KIF26A: variants seen among roughly 807,000 people sequenced by gnomAD.
The protein encoded by KIF26A is kinesin family member 26A.
KIF26A carries 74 observed loss-of-function variants against 126.0 expected under a neutral mutation model. The observed-to-expected ratio is 0.59, with a 90% CI of 0.49 to 0.71. KIF26A has a LOEUF of 0.71. Among genes scored for constraint, KIF26A ranks in the 30% least tolerant of loss-of-function variants. The probability of loss-of-function intolerance (pLI) is 0.00; values close to 1 mark genes in which losing one functional copy is unlikely to be tolerated. For missense variants in KIF26A, 2,984 were observed against 2,763.3 expected (o/e 1.08, Z -1.79); for synonymous variants, 1,445 against 1,232.7 (o/e 1.17, Z -3.61).
At position 104,179,917 on chromosome 14, in the gene KIF26A, CAGAG is replaced by C. The variant is rs2038083597; in HGVS notation, c.*130_*133del. 1.1e-5 allele frequency: 11 copies of C among 1,004,870 alleles called. No individual in the cohort carries two copies. Among genetic ancestry groups the C allele is most frequent in the East Asian group, 2.8e-5 (1 of 35,606 alleles). The allele number at this position is 1,004,870 out of a possible 1,614,324, so 62.2% of individuals were successfully genotyped here. A position where few individuals can be genotyped will look rare whatever the true frequency, so the allele number is the denominator to read the frequency against. On this transcript the variant is annotated 3_prime_UTR_variant, in exon 15 of 15. Transcript: ENST00000423312. ...GGGTTTCTGTGCAGGACGGGAGTCT[CAGAG>C]AGGAGACGGAGTGTGGGGGAGGGAG...
At chr14:104,155,403 G>T (rs1195652435) in intron 3 of KIF26A, among the ~76,000 whole-genome samples, 5 of 152,144 alleles carry the variant, frequency 3.3e-5, no homozygotes, top group Admixed American at 2.0e-4. Context: ...GAAGCTCCCC[G>T]TGGGGTGGGT....
chr14:104,179,029 C>G (rs964564986), intron 13 of KIF26A, among the ~76,000 whole-genome samples: 5 of 152,148 alleles, frequency 3.3e-5, no homozygotes, highest in African/African-American at 1.2e-4. Context: ...TCTCCCCTGT[C>G]GTGGGGAGGG....
chr14:104,149,072 T>A (rs142204249), intron 2 of KIF26A, among the ~76,000 whole-genome samples: 1 of 152,260 alleles, frequency 6.6e-6, no homozygotes, highest in East Asian at 1.9e-4. Context: ...GCCAGCCTGG[T>A]GCAGCCTGGC....
rs1352534721 is a variant in KIF26A, at chr14:104,152,836, G to A, written c.735+375G>A. Among the ~76,000 whole-genome samples, 3 of 152,288 alleles carry A rather than the reference G, an allele frequency of 2.0e-5. No homozygotes were observed. Among genetic ancestry groups the A allele is most frequent in the South Asian group, 2.1e-4 (1 of 4,822 alleles). ...AGTAGGAGGGCCCTTGTGGCAGAGC[G>A]AGGGCCTGTGTGGAGGCCTGGGGGT... On this transcript the variant is annotated intron_variant, in intron 3 of 14. Coordinates refer to ENST00000423312, the MANE Select transcript of KIF26A (RefSeq NM_015656.2). This position sits in a 1 kb window ranked among gnomAD's most constrained non-coding sequence, Gnocchi z 5.9.
At chr14:104,174,023 G>A in intron 10 of KIF26A, 125 bp from the exon 11 acceptor site, 1 of 1,402,688 alleles carries the variant, frequency 7.1e-7, no homozygotes, top group Non-Finnish European at 9.5e-7. Context: ...GGCTGCCTGG[G>A]GCCCCACGCT....
rs765172406 is a variant in KIF26A, at chr14:104,177,782, G to A, written c.4994G>A (p.Arg1665His). Residue 1665 changes from arginine to histidine, a missense_variant, in exon 12 of 15, where the codon CGC (arginine) becomes CAC (histidine). Coordinates refer to ENST00000423312, the MANE Select transcript of KIF26A (RefSeq NM_015656.2). ...AGCAGTGGCTATGAGAGCCTGCGGCGCGACAGCGAGGCCACCGGCAGCGCC... is the reference window on the plus strand; with the variant it reads ...AGCAGTGGCTATGAGAGCCTGCGGCACGACAGCGAGGCCACCGGCAGCGCC... Reference protein sequence around the residue: ...GGSSGYESLRRDSEATGSASS... With the variant: ...GGSSGYESLRHDSEATGSASS... 1.0e-5 allele frequency: 16 copies of A among 1,551,380 alleles called. No homozygotes were observed. The highest frequency in any genetic ancestry group is 3.8e-5 in the Admixed American group (2 of 53,254).
chr14:104,147,410 C>T (rs2037689991), intron 2 of KIF26A, among the ~76,000 whole-genome samples: 2 of 152,210 alleles, frequency 1.3e-5, no homozygotes, highest in South Asian at 4.1e-4. Context: ...TCCCCGCTCC[C>T]TCCCCTCCCA....
Position 104,177,540 on chromosome 14 carries a change from C to T in KIF26A, c.4752C>T (p.Gly1584=). The change falls in exon 12 of 15, where the codon GGC becomes GGT. Residue 1584 remains glycine, a synonymous_variant. Transcript: ENST00000423312. ...CGGGCCGAGGTGGCTCCTCGTGGGGCTCGGCGGACTCAGACAGCGGCCATG... is the reference window on the plus strand; with the variant it reads ...CGGGCCGAGGTGGCTCCTCGTGGGGTTCGGCGGACTCAGACAGCGGCCATG... The part of the protein sequence containing the change: ...GAPGRGGSSW[G]SADSDSGHDS... The T allele has an allele frequency of 6.5e-7, 1 of 1,537,318 alleles. No individual in the cohort carries two copies. Among genetic ancestry groups the T allele is most frequent in the Non-Finnish European group, 8.7e-7 (1 of 1,147,154 alleles).
In KIF26A at chr14:104,158,039, G is replaced by A. The variant is rs576998710; in HGVS notation, c.923+97G>A. On this transcript the variant is annotated intron_variant, in intron 4 of 14. Coordinates refer to ENST00000423312, the MANE Select transcript of KIF26A (RefSeq NM_015656.2). ...CTATGGGCCGTTCTTGGGGGACCTC[G>A]GGCATGCTTGCTGCTGAGACGAGTG... 147 of 1,172,940 alleles carry A rather than the reference G, an allele frequency of 1.3e-4. 2 individuals carry two copies. Among genetic ancestry groups the A allele is most frequent in the South Asian group, 7.7e-4 (41 of 53,312 alleles). The allele number at this position is 1,172,940 out of a possible 1,614,324, so 72.7% of individuals were successfully genotyped here. A position where few individuals can be genotyped will look rare whatever the true frequency, so the allele number is the denominator to read the frequency against.
chr14:104,155,832 G>A (rs987819394), intron 3 of KIF26A, among the ~76,000 whole-genome samples: 1 of 152,182 alleles, frequency 6.6e-6, no homozygotes. Context: ...TGGCTGGCCT[G>A]AGATGGGGGA....
rs1329857784 is a variant in KIF26A, at chr14:104,175,283, A to G, written c.2495A>G (p.Asp832Gly). 1.2e-6 allele frequency: 2 copies of G among 1,605,280 alleles called. No individual in the cohort carries two copies. Among genetic ancestry groups the G allele is most frequent in the South Asian group, 2.2e-5 (2 of 90,928 alleles). The part of the protein sequence containing the change: ...SRHRPSKGPR[D>G]ADHFRCSTFA... ...CACCGGCCCTCCAAGGGTCCCCGAG[A>G]CGCAGACCACTTCCGCTGCAGCACC... Residue 832 changes from aspartate (D) to glycine (G), a missense_variant, in exon 12 of 15, where the codon GAC becomes GGC. Transcript: ENST00000423312.
chr14:104,175,587 G>C lies in KIF26A; in HGVS notation c.2799G>C (p.Leu933=). 6.2e-7 allele frequency: 1 copy of C among 1,609,338 alleles called. No individual in the cohort carries two copies. Among genetic ancestry groups the C allele is most frequent in the Non-Finnish European group, 8.5e-7 (1 of 1,179,680 alleles). ...QREDSSAWPE[L]LVPEKAAVSG... Reference sequence around the variant, plus strand: ...AGGACAGCAGCGCTTGGCCTGAGCTGCTGGTCCCGGAAAAGGCTGCAGTGA... The same window carrying C: ...AGGACAGCAGCGCTTGGCCTGAGCTCCTGGTCCCGGAAAAGGCTGCAGTGA... Residue 933 remains leucine, a synonymous_variant, in exon 12 of 15, where the codon CTG becomes CTC. Coordinates refer to ENST00000423312, the MANE Select transcript of KIF26A (RefSeq NM_015656.2).
At chr14:104,172,941 G>T in intron 7 of KIF26A, 36 bp from the exon 8 acceptor site, 1 of 1,543,666 alleles carries the variant, frequency 6.5e-7, no homozygotes, top group Non-Finnish European at 8.7e-7. Context: ...TCCTTGCGTG[G>T]TGTGTGGTGG....
Position 104,157,839 on chromosome 14 carries a change from G to A in KIF26A, c.820G>A (p.Ala274Thr). 1.9e-6 allele frequency: 3 copies of A among 1,609,208 alleles called. No homozygotes were observed. The highest frequency in any genetic ancestry group is 2.2e-5 in the East Asian group (1 of 44,706). Reference sequence around the variant, plus strand: ...GGCCGGCCCTGATGGCTTGTCGAAGGCCTGGGGCCGTGGTGGAGTCTGCAC... The same window carrying A: ...GGCCGGCCCTGATGGCTTGTCGAAGACCTGGGGCCGTGGTGGAGTCTGCAC... ...PVAGPDGLSK[A>T]WGRGGVCTSA... The change falls in exon 4 of 15, where the codon GCC becomes ACC. Residue 274 changes from alanine to threonine, a missense_variant. Physicochemically the swap from Ala to Thr is moderately conservative, Grantham distance 58. Transcript: ENST00000423312.
Position 104,179,395 on chromosome 14 carries a change from C to G in KIF26A, c.5467+9C>G, listed in dbSNP as rs769045433. 1 of 1,495,804 alleles carries G rather than the reference C, an allele frequency of 6.7e-7. No individual in the cohort carries two copies. 92.7% of individuals were successfully genotyped at this position (1,495,804 alleles called of 1,614,324 possible). A position where few individuals can be genotyped will look rare whatever the true frequency, so the allele number is the denominator to read the frequency against. Reference sequence around the variant, plus strand: ...CCGCTGGCTGGAGCAGTGTGAGTCCCGCCCGCCCACGGACCCAGCCCGGCC... The same window carrying G: ...CCGCTGGCTGGAGCAGTGTGAGTCCGGCCCGCCCACGGACCCAGCCCGGCC... On this transcript the variant is annotated intron_variant, in intron 14 of 14. Coordinates refer to ENST00000423312, the MANE Select transcript of KIF26A (RefSeq NM_015656.2).
intron 2 of KIF26A, among the ~76,000 whole-genome samples, chr14:104,143,466 G>A (rs2037654951): frequency 6.6e-6 from 1 of 152,110 alleles, no homozygotes; most frequent in East Asian, 1.9e-4. Flanking sequence ...GGTGACTCCT[G>A]CCAGCTTTTC....
intron 4 of KIF26A, among the ~76,000 whole-genome samples, chr14:104,165,299 ATG>A (rs1429818311): frequency 2.8e-5 from 4 of 141,770 alleles, no homozygotes; most frequent in East Asian, 2.2e-4. Flanking sequence ...CTCTGTATGC[ATG>A]TGTGTCTGTG....
chr14:104,163,773 G>A (rs1596141580), intron 4 of KIF26A, among the ~76,000 whole-genome samples: 1 of 147,880 alleles, frequency 6.8e-6, no homozygotes, highest in East Asian at 2.1e-4. Flanking sequence ...CCAGGCCCGT[G>A]TGCCTGAGAC....
intron 2 of KIF26A, among the ~76,000 whole-genome samples, chr14:104,139,630 C>T (rs559129442): frequency 3.3e-5 from 5 of 152,296 alleles, no homozygotes; most frequent in African/African-American, 1.2e-4. Flanking sequence ...CGGGACAGCT[C>T]CAGCCCTACC....
Sources: allele counts gnomAD v4.1 joint callset (sites outside exome capture counted in the v4.1 genomes callset), GRCh38; gene constraint gnomAD v4.1.1; non-coding constraint Gnocchi (gnomAD v3.1); transcripts MANE v1.5; gene names NCBI Gene and HGNC (gene_info 2026-07-23, HGNC 2026-07-21).